CLEC18B: variants seen among roughly 807,000 people sequenced by gnomAD.
CLEC18B encodes the protein mannose receptor-like 2.
In CLEC18B, 5 loss-of-function variants were observed where a neutral mutation model predicts 60.4. The observed-to-expected ratio is 0.08, with a 90% confidence interval of 0.04 to 0.17. The LOEUF is 0.17. Among genes scored for constraint, CLEC18B ranks in the 10% least tolerant of loss-of-function variants. The pLI is 1.00. For missense variants in CLEC18B, 26 were observed against 572.8 expected (o/e 0.05, Z 9.74); for synonymous variants, 16 against 221.2 (o/e 0.07, Z 8.23).
chr16:74,423,466 A>G (rs1302315802), upstream of CLEC18B, among the ~76,000 whole-genome samples: 2 of 152,302 alleles, frequency 1.3e-5, no homozygotes, highest in African/African-American at 4.8e-5. Flanking sequence ...AGGCAGGCGG[A>G]TCACTTGAGG....
chr16:74,412,670 A>G (rs2142739989), intron 6 of CLEC18B, 103 bp downstream of exon 6: 1 of 1,504,324 alleles, frequency 6.6e-7, no homozygotes, highest in East Asian at 2.4e-5. Context: ...CAGGGAGTAC[A>G]CAGTCAGCAC....
chr16:74,416,167 G>A (rs1430755825), intron 3 of CLEC18B, among the ~76,000 whole-genome samples: 57 of 150,830 alleles, frequency 3.8e-4, no homozygotes, highest in Non-Finnish European at 8.3e-4. Flanking sequence ...GGAGGCTGAG[G>A]CAGGAGAATG....
At chr16:74,421,701 C>T (rs565444106), upstream of CLEC18B, 4,226 of 305,404 alleles carry the variant, frequency 0.014, 40 homozygotes, top group Non-Finnish European at 0.018. Context: ...GTCCTCCGAG[C>T]CCACTGATGG....
chr16:74,424,074 C>A (rs1325296389), upstream of CLEC18B, among the ~76,000 whole-genome samples: 1 of 152,218 alleles, frequency 6.6e-6, no homozygotes, highest in Non-Finnish European at 1.5e-5. Flanking sequence ...CTGTAGGATT[C>A]ACATTTTGCT....
At chr16:74,417,820 A>T (rs2013481968) in intron 3 of CLEC18B, among the ~76,000 whole-genome samples, 1 of 152,126 alleles carries the variant, frequency 6.6e-6, no homozygotes, top group African/African-American at 2.4e-5. Context: ...CAGGAGGCTG[A>T]AGTACAAGAA....
intron 10 of CLEC18B, among the ~76,000 whole-genome samples, chr16:74,410,286 C>T (rs1320869010): frequency 6.6e-6 from 1 of 152,300 alleles, no homozygotes; most frequent in African/African-American, 2.4e-5. Flanking sequence ...CCAGGGGACA[C>T]TGGGGATGGA....
intron 2 of CLEC18B, among the ~76,000 whole-genome samples, chr16:74,419,255 C>T (rs1225090702): frequency 9.2e-5 from 14 of 152,052 alleles, no homozygotes; most frequent in Non-Finnish European, 1.8e-4. Flanking sequence ...GGGAGGGGGG[C>T]CCCTCGGGGC....
chr16:74,413,611 C>G lies in CLEC18B; in HGVS notation c.522G>C (p.Ala174=). Residue 174 remains alanine, a synonymous_variant, in exon 4 of 12, where the codon GCG becomes GCC. Coordinates refer to ENST00000682950, the MANE Select transcript of CLEC18B (RefSeq NM_001385193.1). ...AGTAGGCACAGACAAAGGCTTCTAT[C>G]GCTGTCTGGCCTGCAGAGCACAGGT... The part of the protein sequence containing the change: ...GRHLCSAGQT[A]IEAFVCAYSP... 2 of 1,614,032 alleles carry G rather than the reference C, an allele frequency of 1.2e-6. No individual in the cohort carries two copies. The highest frequency in any genetic ancestry group is 8.5e-7 in the Non-Finnish European group (1 of 1,179,890).
At chr16:74,412,971 G>A (rs1329843505) in intron 5 of CLEC18B, 66 bp downstream of exon 5, 1 of 1,612,016 alleles carries the variant, frequency 6.2e-7, no homozygotes, top group African/African-American at 1.3e-5. Context: ...AGGGCTTCTG[G>A]GACAGCCCAG....
chr16:74,410,199 A>G (rs1488765731), intron 10 of CLEC18B, among the ~76,000 whole-genome samples: 5 of 152,298 alleles, frequency 3.3e-5, no homozygotes, highest in Non-Finnish European at 7.3e-5. Flanking sequence ...GAATGCTGGC[A>G]TCAGTGTAAC....
intron 3 of CLEC18B, among the ~76,000 whole-genome samples, 196 bp from the exon 4 acceptor site, chr16:74,413,872 AT>A (rs1447777414): frequency 1.3e-5 from 2 of 152,194 alleles, no homozygotes; most frequent in Admixed American, 6.5e-5. Context: ...TTATTTATTT[AT>A]TTATTTATTT....
chr16:74,422,841 T>A (rs2013733598), upstream of CLEC18B, among the ~76,000 whole-genome samples: 5 of 151,904 alleles, frequency 3.3e-5, no homozygotes, highest in South Asian at 1.0e-3. Flanking sequence ...TATTATTATT[T>A]TTTTTGGTAG....
chr16:74,423,684 G>C (rs2013754108), upstream of CLEC18B, among the ~76,000 whole-genome samples: 1 of 146,244 alleles, frequency 6.8e-6, no homozygotes, highest in African/African-American at 2.5e-5. Flanking sequence ...GCGAGACTCT[G>C]TCCCACCCCC....
At chr16:74,423,386 C>T (rs1312293470), upstream of CLEC18B, among the ~76,000 whole-genome samples, 2 of 152,262 alleles carry the variant, frequency 1.3e-5, no homozygotes, top group Admixed American at 1.3e-4. Context: ...ATGGCCCTGG[C>T]TCACTGCAAG....
rs2142732039 is a variant in CLEC18B at position 74,411,000 on chromosome 16, T to C, written c.1019A>G (p.Gln340Arg). ...KGGVLAQIKSQKVQDILAFYL... is the reference protein window; with the variant it reads ...KGGVLAQIKSRKVQDILAFYL... Reference sequence around the variant, plus strand: ...GAAGGCGAGGATGTCCTGCACTTTCTGGCTCTTGATCTGGGCCAGCACCCC... The same window carrying C: ...GAAGGCGAGGATGTCCTGCACTTTCCGGCTCTTGATCTGGGCCAGCACCCC... Residue 340 changes from glutamine to arginine, a missense_variant, in exon 9 of 12, where the codon CAG (glutamine) becomes CGG (arginine). Coordinates refer to ENST00000682950, the MANE Select transcript of CLEC18B (RefSeq NM_001385193.1). 1 of 1,606,540 alleles carries C rather than the reference T, an allele frequency of 6.2e-7. No homozygotes were observed. Among genetic ancestry groups the C allele is most frequent in the Non-Finnish European group, 8.5e-7 (1 of 1,175,380 alleles).
upstream of CLEC18B, among the ~76,000 whole-genome samples, chr16:74,423,307 AG>A (rs2013745645): frequency 2.0e-5 from 3 of 151,526 alleles, no homozygotes; most frequent in African/African-American, 7.3e-5. Flanking sequence ...GTATGATGCC[AG>A]GCACTTGGGA....
chr16:74,410,267 G>C (rs1453686796), intron 10 of CLEC18B, among the ~76,000 whole-genome samples: 1 of 152,296 alleles, frequency 6.6e-6, no homozygotes, highest in Non-Finnish European at 1.5e-5. Flanking sequence ...TGGAGGGATG[G>C]AGTCACAGCC....
chr16:74,421,706 T>C (rs2013695580), upstream of CLEC18B: 1 of 286,610 alleles, frequency 3.5e-6, no homozygotes, highest in Non-Finnish European at 6.5e-6. Flanking sequence ...CCGAGCCCAC[T>C]GATGGCTTCC....
chr16:74,413,849 CTTATTTAT>C (rs3863433), intron 3 of CLEC18B, among the ~76,000 whole-genome samples, 173 bp from the exon 4 acceptor site: 5,815 of 145,984 alleles, frequency 0.04, no homozygotes, highest in Non-Finnish European at 0.05. Context: ...TTCAGGAAGG[CTTATTTAT>C]TTATTTATTT....
Sources: gnomAD v4.1 joint callset for allele counts (sites outside exome capture counted in the v4.1 genomes callset) on GRCh38, gnomAD v4.1.1 for gene constraint, MANE v1.5 for transcripts, NCBI Gene and HGNC (gene_info 2026-07-23, HGNC 2026-07-21) for gene names.